The following CSMD3 variants were observed in gnomAD, a reference collection of about 807,000 sequenced individuals.
The protein encoded by CSMD3 is CUB and Sushi multiple domains 3.
Under a neutral mutation model 435.2 loss-of-function variants are expected in CSMD3, and 177 were observed. The observed-to-expected ratio is 0.41, with a 90% CI of 0.36 to 0.46. The LOEUF is 0.46. Ranked by LOEUF, CSMD3 falls within the 20% of genes least tolerant of loss-of-function variation. The pLI is 0.34. For missense variants in CSMD3, 4,265 were observed against 4,504.6 expected (o/e 0.95, Z 1.52); for synonymous variants, 1,656 against 1,520.5 (o/e 1.09, Z -2.07).
chr8:113,409,079 C>CTTTTT lies in CSMD3; in HGVS notation c.178+27593_178+27597dup, dbSNP rs1218107775. Among the ~76,000 whole-genome samples the CTTTTT allele has an allele frequency of 1.3e-3, 124 of 99,094 alleles. 2 individuals carry two copies. The highest frequency in any genetic ancestry group is 1.5e-3 in the Non-Finnish European group (77 of 51,682). The allele number at this position is 99,094 out of a possible 152,430, so 65.0% of individuals were successfully genotyped here. A position where few individuals can be genotyped will look rare whatever the true frequency, so the allele number is the denominator to read the frequency against. ...AAGACTTTTTCTTCTTCTTCTTCTT[C>CTTTTT]TTTTTTTTTTTTTTTTTTTTTTGAG... On this transcript the variant is annotated intron_variant, in intron 1 of 70. Transcript: ENST00000297405.
At chr8:112,897,694 C>CTCTGTGTGTGTGTGTG (rs1277884675) in intron 10 of CSMD3, among the ~76,000 whole-genome samples, 11 of 90,964 alleles carry the variant, frequency 1.2e-4, no homozygotes, top group African/African-American at 4.8e-4. Flanking sequence ...CTCTCTCTCT[C>CTCTGTGTGTGTGTGTG]TGTGTGTGTG....
At chr8:112,515,258 A>G (rs1490988112) in intron 28 of CSMD3, among the ~76,000 whole-genome samples, 1 of 152,122 alleles carries the variant, frequency 6.6e-6, no homozygotes, top group Non-Finnish European at 1.5e-5. Context: ...AATAAGCAAC[A>G]TCCTTTAGCC....
intron 27 of CSMD3, among the ~76,000 whole-genome samples, chr8:112,517,945 C>T (rs143413370): frequency 0.013 from 1,983 of 152,226 alleles, 128 homozygotes; most frequent in Admixed American, 0.11. Flanking sequence ...AACTTATATT[C>T]ACATGAAAGC....
At chr8:113,316,599 T>C (rs1156543440) in intron 1 of CSMD3, among the ~76,000 whole-genome samples, 1 of 151,422 alleles carries the variant, frequency 6.6e-6, no homozygotes, top group Non-Finnish European at 1.5e-5. Flanking sequence ...GCCCAGGCTA[T>C]AGTGTAGTGG....
intron 32 of CSMD3, among the ~76,000 whole-genome samples, chr8:112,462,323 A>G (rs918727552): frequency 6.6e-6 from 1 of 152,240 alleles, no homozygotes; most frequent in Admixed American, 6.5e-5. Context: ...ATAAATGGGG[A>G]AAGTACTAAT....
chr8:113,112,602 T>C (rs2090695695), intron 4 of CSMD3, among the ~76,000 whole-genome samples: 1 of 151,332 alleles, frequency 6.6e-6, no homozygotes, highest in Non-Finnish European at 1.5e-5. Flanking sequence ...GACTGAGAAG[T>C]AGTCATGAGA....
intron 24 of CSMD3, among the ~76,000 whole-genome samples, chr8:112,560,900 C>T (rs1297228056): frequency 6.6e-6 from 1 of 151,568 alleles, no homozygotes; most frequent in Non-Finnish European, 1.5e-5. Context: ...TATATCATTT[C>T]TCAAAATAAA....
chr8:112,735,003 T>C (rs558363930), intron 13 of CSMD3, among the ~76,000 whole-genome samples: 1 of 152,128 alleles, frequency 6.6e-6, no homozygotes, highest in Admixed American at 6.6e-5. Flanking sequence ...CTATCTCTAT[T>C]TGTCTCTTGT....
chr8:112,274,494 GTC>G (rs961762058), intron 59 of CSMD3, among the ~76,000 whole-genome samples: 12 of 152,118 alleles, frequency 7.9e-5, no homozygotes, highest in Non-Finnish European at 1.8e-4. Context: ...ACAGAGAAAT[GTC>G]TCTAGAGATA....
chr8:113,334,928 T>A (rs1444078995), intron 1 of CSMD3, among the ~76,000 whole-genome samples: 1 of 152,094 alleles, frequency 6.6e-6, no homozygotes, highest in Admixed American at 6.6e-5. Flanking sequence ...TTAGTCCTAA[T>A]ATTGGCCATA....
intron 27 of CSMD3, among the ~76,000 whole-genome samples, chr8:112,518,956 C>A (rs934942170): frequency 2.6e-5 from 4 of 151,960 alleles, no homozygotes; most frequent in Admixed American, 1.3e-4. Flanking sequence ...TTTCAAATAA[C>A]CAGATCTCAT....
rs1277888687 is a variant in CSMD3 at position 112,747,204 on chromosome 8, T to C, written c.1972+52958A>G. Among the ~76,000 whole-genome samples, 141 of 129,508 alleles carry C rather than the reference T, an allele frequency of 1.1e-3. 7 individuals are homozygous for C. Among genetic ancestry groups the C allele is most frequent in the African/African-American group, 3.8e-3 (133 of 34,736 alleles). The allele number at this position is 129,508 out of a possible 152,430, so 85.0% of individuals were successfully genotyped here. On this transcript the variant is annotated intron_variant, in intron 13 of 70. Coordinates refer to ENST00000297405, the MANE Select transcript of CSMD3 (RefSeq NM_198123.2). ...TTCCCTTTTTTTTTTTTTTTTTTTT[T>C]TTTTTTTTTTTTTTTTGGTGTTGCT...
intron 70 of CSMD3, among the ~76,000 whole-genome samples, chr8:112,228,285 T>G (rs1332081240): frequency 1.3e-5 from 2 of 152,138 alleles, no homozygotes; most frequent in African/African-American, 4.8e-5. Context: ...AGAAGATGAA[T>G]GAGAAGATTA....
At chr8:112,712,511 T>C (rs760174562) in intron 13 of CSMD3, among the ~76,000 whole-genome samples, 4 of 152,098 alleles carry the variant, frequency 2.6e-5, no homozygotes, top group Non-Finnish European at 5.9e-5. Context: ...CCCGCAACTG[T>C]AGGATGGAAG....
intron 10 of CSMD3, among the ~76,000 whole-genome samples, chr8:112,918,324 C>CT (rs2082632878): frequency 6.6e-6 from 1 of 151,758 alleles, no homozygotes; most frequent in African/African-American, 2.4e-5. Context: ...TCATTGTCTT[C>CT]TTTTCTCATC....
chr8:112,428,904 A>ATT (rs35018854), intron 32 of CSMD3, among the ~76,000 whole-genome samples: 1 of 151,862 alleles, frequency 6.6e-6, no homozygotes, highest in Non-Finnish European at 1.5e-5. Flanking sequence ...TTTTAATTAA[A>ATT]TTTTTTTGAA....
intron 13 of CSMD3, among the ~76,000 whole-genome samples, chr8:112,763,344 G>A (rs1418055685): frequency 1.3e-5 from 2 of 151,174 alleles, no homozygotes; most frequent in Non-Finnish European, 3.0e-5. Context: ...GCTCAAGAAA[G>A]AGGCAAAGGA....
At chr8:112,422,908 A>G (rs554025852) in intron 32 of CSMD3, among the ~76,000 whole-genome samples, 1 of 152,336 alleles carries the variant, frequency 6.6e-6, no homozygotes, top group East Asian at 1.9e-4. Flanking sequence ...TAGAATATCA[A>G]TGTGGGAAGA....
intron 5 of CSMD3, among the ~76,000 whole-genome samples, chr8:113,034,315 T>C (rs116915824): frequency 0.048 from 7,313 of 151,686 alleles, 407 homozygotes; most frequent in Non-Finnish European, 0.071. Context: ...CATCAACTGA[T>C]GAATGTATAC....
Sources: allele counts gnomAD v4.1 joint callset (sites outside exome capture counted in the v4.1 genomes callset), GRCh38; gene constraint gnomAD v4.1.1; transcripts MANE v1.5; gene names NCBI Gene and HGNC (gene_info 2026-07-23, HGNC 2026-07-21).